Variants in PPP1R12B observed in about 807,000 individuals in gnomAD.
PPP1R12B encodes myosin phosphatase target subunit 2.
Under a neutral mutation model 126.1 loss-of-function variants are expected in PPP1R12B, and 76 were observed. The observed-to-expected ratio is 0.60, with a 90% CI of 0.50 to 0.73. PPP1R12B has a LOEUF of 0.73. Among genes scored for constraint, PPP1R12B ranks in the 30% least tolerant of loss-of-function variants. The pLI is 0.00. For synonymous variants in PPP1R12B, 356 were observed against 434.7 expected (o/e 0.82, Z 2.25); for missense variants, 1,052 against 1,205.1 (o/e 0.87, Z 1.88).
At chr1:202,445,263 T>C (rs1438463496) in intron 12 of PPP1R12B, 48 of 1,226,540 alleles carry the variant, frequency 3.9e-5, no homozygotes, top group Non-Finnish European at 4.9e-5. Flanking sequence ...GTTGCATTCA[T>C]CAAAGTTAAT....
At chr1:202,364,533 C>A (rs1161741606) in intron 1 of PPP1R12B, among the ~76,000 whole-genome samples, 2 of 151,746 alleles carry the variant, frequency 1.3e-5, no homozygotes, top group African/African-American at 4.8e-5. Flanking sequence ...CTCAAGCATT[C>A]CTCCTGCCTC....
chr1:202,438,878 G>T, intron 10 of PPP1R12B: 1 of 1,381,694 alleles, frequency 7.2e-7, no homozygotes, highest in South Asian at 1.2e-5. Flanking sequence ...ATAGCCCCCA[G>T]GGCAGGAGCC....
chr1:202,536,575 T>G (rs1684550599), intron 18 of PPP1R12B, among the ~76,000 whole-genome samples: 1 of 152,206 alleles, frequency 6.6e-6, no homozygotes, highest in Non-Finnish European at 1.5e-5. Context: ...CACTGTGCAC[T>G]TAGGCTACAC....
intron 18 of PPP1R12B, among the ~76,000 whole-genome samples, chr1:202,524,979 A>G (rs1024043630): frequency 1.4e-4 from 22 of 152,130 alleles, no homozygotes; most frequent in Admixed American, 3.3e-4. Flanking sequence ...CTGGGTTCAA[A>G]GTGATTCTCC....
At chr1:202,525,801 G>A (rs1038216221) in intron 18 of PPP1R12B, among the ~76,000 whole-genome samples, 3 of 151,992 alleles carry the variant, frequency 2.0e-5, no homozygotes, top group African/African-American at 7.3e-5. Flanking sequence ...AGGTTCAAGT[G>A]ATTCTCCTGC....
chr1:202,476,640 G>A (rs705738), intron 13 of PPP1R12B, among the ~76,000 whole-genome samples: 4,790 of 150,876 alleles, frequency 0.032, 198 homozygotes, highest in African/African-American at 0.1. Flanking sequence ...CCGAGATCAC[G>A]CCACTGCACT....
At chr1:202,363,671 T>C (rs532582403) in intron 1 of PPP1R12B, among the ~76,000 whole-genome samples, 2 of 152,308 alleles carry the variant, frequency 1.3e-5, no homozygotes, top group African/African-American at 4.8e-5. Flanking sequence ...GATATGCGTT[T>C]GTTTTATTAG....
rs1026361407 is a variant in PPP1R12B at position 202,587,006 on chromosome 1, G to GT, written c.*6451dup. 2.0e-5 allele frequency: 3 copies of GT among 152,174 alleles called. No individual in the cohort carries two copies. Among genetic ancestry groups the GT allele is most frequent in the South Asian group, 2.1e-4 (1 of 4,818 alleles). 9.4% of individuals were successfully genotyped at this position (152,174 alleles called of 1,614,324 possible). ...TTTTATTTATTAAATCATATCTTTT[G>GT]TTTTTCCCCCTCCCTTCTAATCCCC... is the stretch of plus-strand genomic sequence containing the variant. On this transcript the variant is annotated 3_prime_UTR_variant, in exon 24 of 24. Coordinates refer to ENST00000608999, the MANE Select transcript of PPP1R12B (RefSeq NM_002481.4).
chr1:202,441,805 T>C (rs1373251724), intron 11 of PPP1R12B, among the ~76,000 whole-genome samples: 2 of 152,154 alleles, frequency 1.3e-5, no homozygotes, highest in Non-Finnish European at 2.9e-5. Flanking sequence ...CATTTCCTTA[T>C]CTGCTTAACT....
intron 18 of PPP1R12B, among the ~76,000 whole-genome samples, chr1:202,534,950 A>G (rs1684379328): frequency 6.6e-6 from 1 of 152,192 alleles, no homozygotes; most frequent in South Asian, 2.1e-4. Context: ...CATATATTTT[A>G]TAAATGCACA....
At chr1:202,404,418 A>G (rs1025890929) in intron 1 of PPP1R12B, among the ~76,000 whole-genome samples, 1 of 151,986 alleles carries the variant, frequency 6.6e-6, no homozygotes, top group African/African-American at 2.4e-5. Context: ...TCTTTGCTTC[A>G]GATTCTCTTC....
At position 202,443,208 on chromosome 1, in the gene PPP1R12B, G is replaced by A. The variant is rs567527489; in HGVS notation, c.1667+636G>A. The A allele has an allele frequency of 2.4e-4, 177 of 744,132 alleles. No homozygotes were observed. In the African/African-American group the frequency reaches 2.7e-3, roughly 11 times the overall value. 46.1% of individuals were successfully genotyped at this position (744,132 alleles called of 1,614,324 possible). Reference sequence around the variant, plus strand: ...TTGCCACATACTAGCCAGCAAACCAGGCACCTTTGCCAGAGCCATTAAGCT... The same window carrying A: ...TTGCCACATACTAGCCAGCAAACCAAGCACCTTTGCCAGAGCCATTAAGCT... On this transcript the variant is annotated intron_variant, in intron 12 of 23. Coordinates refer to ENST00000608999, the MANE Select transcript of PPP1R12B (RefSeq NM_002481.4).
intron 6 of PPP1R12B, among the ~76,000 whole-genome samples, chr1:202,430,357 C>T (rs530736214): frequency 5.3e-5 from 8 of 152,214 alleles, no homozygotes; most frequent in South Asian, 2.1e-4. Context: ...ATTTCCCATT[C>T]GGTACCTGTG....
Position 202,448,994 on chromosome 1 carries a change from C to T in PPP1R12B, c.1673C>T (p.Pro558Leu). The T allele has an allele frequency of 6.2e-7, 1 of 1,613,762 alleles. No individual in the cohort carries two copies. Among genetic ancestry groups the T allele is most frequent in the Non-Finnish European group, 8.5e-7 (1 of 1,179,808 alleles). Residue 558 changes from proline to leucine, a missense_variant, in exon 13 of 24, where the codon CCT (proline) becomes CTT (leucine). Physicochemically the swap from Pro to Leu is moderately conservative, Grantham distance 98. Transcript: ENST00000608999. ...TGTATCTTTTTAAATTTCAGGACTC[C>T]TCACAAATCCCAGGCCGACACAACA... ...TYVSTYLKRT[P>L]HKSQADTTAE... is the part of the protein sequence containing the mutation.
chr1:202,429,643 A>G (rs1208794938), intron 6 of PPP1R12B, among the ~76,000 whole-genome samples: 4 of 152,210 alleles, frequency 2.6e-5, no homozygotes, highest in African/African-American at 4.8e-5. Flanking sequence ...CATAAAGCAG[A>G]TGAATAATTT....
chr1:202,551,170 A>G (rs1469622320), intron 18 of PPP1R12B, among the ~76,000 whole-genome samples: 3 of 152,230 alleles, frequency 2.0e-5, no homozygotes, highest in Non-Finnish European at 4.4e-5. Flanking sequence ...GGTAGTCACA[A>G]TCTGGCATAT....
At chr1:202,366,987 A>G (rs1383668634) in intron 1 of PPP1R12B, among the ~76,000 whole-genome samples, 1 of 152,182 alleles carries the variant, frequency 6.6e-6, no homozygotes, top group Non-Finnish European at 1.5e-5. Context: ...TCATGTGCAT[A>G]GTTTTCTGTA....
chr1:202,537,211 C>G (rs4950854), intron 18 of PPP1R12B, among the ~76,000 whole-genome samples: 65,966 of 151,870 alleles, frequency 0.43, 15,675 homozygotes, highest in East Asian at 0.71. Flanking sequence ...AAAATTAGCC[C>G]GGCATGGTGG....
chr1:202,568,638 G>A (rs959918943), intron 22 of PPP1R12B, among the ~76,000 whole-genome samples: 2 of 152,170 alleles, frequency 1.3e-5, no homozygotes, highest in Non-Finnish European at 2.9e-5. Flanking sequence ...GAACGGGAGA[G>A]AAGCAACTAC....
Sources: allele counts gnomAD v4.1 joint callset (sites outside exome capture counted in the v4.1 genomes callset), GRCh38; gene constraint gnomAD v4.1.1; transcripts MANE v1.5; gene names NCBI Gene and HGNC (gene_info 2026-07-23, HGNC 2026-07-21).